PDCD11: variants seen among roughly 807,000 people sequenced by gnomAD.
The protein encoded by PDCD11 is programmed cell death 11.
In PDCD11, 97 loss-of-function variants were observed where a neutral mutation model predicts 198.9. The ratio of observed to expected loss-of-function variants is 0.49; its 90% CI spans 0.41 to 0.58. The LOEUF (loss-of-function observed/expected upper bound fraction) is 0.58. Among genes scored for constraint, PDCD11 ranks in the 20% least tolerant of loss-of-function variants. The probability of loss-of-function intolerance (pLI) is 0.00; values close to 1 mark genes in which losing one functional copy is unlikely to be tolerated. For synonymous variants in PDCD11, 893 were observed against 918.0 expected (o/e 0.97, Z 0.49); for missense variants, 2,102 against 2,312.7 (o/e 0.91, Z 1.87).
At chr10:103,405,543 C>T (rs138526681) in intron 5 of PDCD11, among the ~76,000 whole-genome samples, 65 of 152,116 alleles carry the variant, frequency 4.3e-4, no homozygotes, top group African/African-American at 1.4e-3. Flanking sequence ...GCAGGGATTA[C>T]AGGTGCCATG....
Position 103,423,041 on chromosome 10 carries a change from C to T in PDCD11, c.2551C>T (p.Leu851=), listed in dbSNP as rs1334504593. The part of the protein sequence containing the change: ...AEMTPGMFLD[L]VVQEVLEDGS... ...GATGACCCCAGGAATGTTCCTTGAC[C>T]TAGTGGTGCAGGAGGTGTTGGAAGA... Residue 851 remains leucine, a synonymous_variant, in exon 18 of 36, where the codon CTA becomes TTA. Coordinates refer to ENST00000369797, the MANE Select transcript of PDCD11 (RefSeq NM_014976.2). 1.2e-6 allele frequency: 2 copies of T among 1,604,540 alleles called. No individual in the cohort carries two copies. The highest frequency in any genetic ancestry group is 1.7e-6 in the Non-Finnish European group (2 of 1,175,072).
chr10:103,428,163 G>A (rs1296418453), intron 21 of PDCD11, among the ~76,000 whole-genome samples: 1 of 152,024 alleles, frequency 6.6e-6, no homozygotes, highest in East Asian at 1.9e-4. Context: ...AAATTAGCCG[G>A]GTGTGGTGGC....
rs559161530 is a variant in PDCD11 at position 103,444,545 on chromosome 10, G to A, written c.5307G>A (p.Gln1769=). 4.3e-6 allele frequency: 7 copies of A among 1,614,192 alleles called. No homozygotes were observed. In the Admixed American group the frequency reaches 1.2e-4, roughly 27 times the overall value. Residue 1769 remains glutamine, a synonymous_variant, in exon 35 of 36, where the codon CAG becomes CAA. Transcript: ENST00000369797. The part of the protein sequence containing the change: ...EHVDVIAKFA[Q]LEFQLGDAER... ...TGGATGTCATTGCCAAGTTTGCCCA[G>A]CTTGAGTTTCAGCTGGGGGATGCAG... is the stretch of plus-strand genomic sequence containing the variant.
intron 22 of PDCD11, among the ~76,000 whole-genome samples, 188 bp downstream of exon 22, chr10:103,432,422 G>T (rs1006271277): frequency 2.0e-5 from 3 of 152,200 alleles, no homozygotes; most frequent in Non-Finnish European, 2.9e-5. Context: ...CTAAAATATG[G>T]CTTACACACA....
Position 103,421,557 on chromosome 10 carries a change from G to C in PDCD11, c.2487G>C (p.Met829Ile). 1 of 1,558,436 alleles carries C rather than the reference G, an allele frequency of 6.4e-7. No homozygotes were observed. The highest frequency in any genetic ancestry group is 1.2e-5 in the South Asian group (1 of 84,686). The change falls in exon 17 of 36, where the codon ATG (methionine) becomes ATC (isoleucine). Residue 829 changes from methionine (M) to isoleucine (I), a missense_variant. By Grantham distance (10) the Met-to-Ile change is conservative. Coordinates refer to ENST00000369797, the MANE Select transcript of PDCD11 (RefSeq NM_014976.2). ...AGCTGCAGGGCGTGCGCAGCCTTAT[G>C]AGCAACCGAGGTGGGGCACCTGTGG... Reference protein sequence around the residue: ...LEELQGVRSLMSNRDSVLIQT... With the variant: ...LEELQGVRSLISNRDSVLIQT...
intron 8 of PDCD11, among the ~76,000 whole-genome samples, chr10:103,410,485 A>G (rs1038935360): frequency 1.3e-5 from 2 of 152,110 alleles, no homozygotes; most frequent in Admixed American, 6.5e-5. Flanking sequence ...TAAAAGTTGT[A>G]TAGTATAGAT....
intron 27 of PDCD11, among the ~76,000 whole-genome samples, chr10:103,439,052 T>A (rs1022368923): frequency 1.3e-5 from 2 of 152,164 alleles, no homozygotes; most frequent in African/African-American, 4.8e-5. Context: ...TAAGTAAGTC[T>A]GGGGCCGGGC....
At chr10:103,419,774 T>C in intron 16 of PDCD11, 66 bp downstream of exon 16, 1 of 1,396,116 alleles carries the variant, frequency 7.2e-7, no homozygotes, top group Admixed American at 1.9e-5. Flanking sequence ...TGAGGGCGGG[T>C]AGGGAGGAGT....
chr10:103,434,205 C>T (rs1212811654), intron 23 of PDCD11, 43 bp from the exon 24 acceptor site: 1 of 1,369,384 alleles, frequency 7.3e-7, no homozygotes, highest in Non-Finnish European at 1.0e-6. Flanking sequence ...GGATAAATGA[C>T]AGCCTTTCTT....
chr10:103,444,115 G>C, intron 34 of PDCD11, 47 bp downstream of exon 34: 2 of 1,543,922 alleles, frequency 1.3e-6, no homozygotes, highest in Admixed American at 1.8e-5. Flanking sequence ...CTCCAGGATC[G>C]GGGAGTAGGA....
At chr10:103,407,485 C>T (rs940061413) in intron 7 of PDCD11, among the ~76,000 whole-genome samples, 1 of 151,854 alleles carries the variant, frequency 6.6e-6, no homozygotes, top group African/African-American at 2.4e-5. Context: ...ATGGCGTGAA[C>T]CCAGGAGGTG....
chr10:103,401,620 AAAG>A (rs1202241510), intron 3 of PDCD11, among the ~76,000 whole-genome samples: 4 of 152,216 alleles, frequency 2.6e-5, no homozygotes, highest in Admixed American at 6.5e-5. Context: ...ATAAAAAAGA[AAAG>A]AAGTTAAATA....
chr10:103,398,257 A>G (rs2093447742), intron 1 of PDCD11, among the ~76,000 whole-genome samples, 159 bp from the exon 2 acceptor site: 1 of 152,246 alleles, frequency 6.6e-6, no homozygotes, highest in South Asian at 2.1e-4. Context: ...AAGATGAAGT[A>G]TGGATTATTC....
rs1592133035 is a variant in PDCD11 at position 103,427,325 on chromosome 10, C to G, written c.3306-4C>G. The G allele has an allele frequency of 6.2e-7, 1 of 1,612,208 alleles. No homozygotes were observed. Among genetic ancestry groups the G allele is most frequent in the Middle Eastern group, 1.7e-4 (1 of 6,054 alleles). On this transcript the variant is annotated splice_region_variant and splice_polypyrimidine_tract_variant and intron_variant, in intron 20 of 35. Coordinates refer to ENST00000369797, the MANE Select transcript of PDCD11 (RefSeq NM_014976.2). ...GAAATGATTCAGCTTATTTGTTTCT[C>G]CAGGTATCTCCCAATAAGTCACCCC...
At chr10:103,440,629 A>G in intron 29 of PDCD11, 48 bp downstream of exon 29, 2 of 1,609,566 alleles carry the variant, frequency 1.2e-6, no homozygotes, top group Non-Finnish European at 1.7e-6. Flanking sequence ...TCCTGGAGGG[A>G]CAGCCATGAG....
chr10:103,425,428 G>C lies in PDCD11; in HGVS notation c.3208G>C (p.Asp1070His). The change falls in exon 20 of 36, where the codon GAT (aspartate) becomes CAT (histidine). Residue 1070 changes from aspartate to histidine, a missense_variant. Transcript: ENST00000369797. ...IGCIHASHIL[D>H]DVPEGTSPTT... ...CTGTATCCATGCCTCCCACATTCTA[G>C]ATGATGTTCCAGAGGGCACCTCTCC... The C allele has an allele frequency of 6.2e-7, 1 of 1,614,060 alleles. No individual in the cohort carries two copies. The highest frequency in any genetic ancestry group is 8.5e-7 in the Non-Finnish European group (1 of 1,180,024).
rs553243414 is a variant in PDCD11, at chr10:103,396,638, G to T, written c.-104G>T. 1.3e-5 allele frequency: 2 copies of T among 152,416 alleles called. No homozygotes were observed. The highest frequency in any genetic ancestry group is 2.9e-5 in the Non-Finnish European group (2 of 68,074). 9.4% of individuals were successfully genotyped at this position (152,416 alleles called of 1,614,324 possible). ...GTTGAGCCCGCCCACACTTCCGGAA[G>T]AATTGCACTGGACTGTGGGTATCCT... is the stretch of plus-strand genomic sequence containing the variant. On this transcript the variant is annotated 5_prime_UTR_variant, in exon 1 of 36. Transcript: ENST00000369797.
At chr10:103,399,071 C>T (rs1442557337) in intron 2 of PDCD11, among the ~76,000 whole-genome samples, 1 of 151,464 alleles carries the variant, frequency 6.6e-6, no homozygotes, top group Non-Finnish European at 1.5e-5. Context: ...ACACTCTTTG[C>T]CATGTGCCAT....
chr10:103,410,234 CAAA>C (rs57446089), intron 8 of PDCD11, among the ~76,000 whole-genome samples: 4 of 93,256 alleles, frequency 4.3e-5, no homozygotes, highest in Non-Finnish European at 2.2e-5. Context: ...GACTCCATCT[CAAA>C]AAAAAAAAAA....
Sources: gnomAD v4.1 joint callset for allele counts (sites outside exome capture counted in the v4.1 genomes callset) on GRCh38, gnomAD v4.1.1 for gene constraint, MANE v1.5 for transcripts, NCBI Gene and HGNC (gene_info 2026-07-23, HGNC 2026-07-21) for gene names.